USP32: variants seen among roughly 807,000 people sequenced by gnomAD.
The protein encoded by USP32 is ubiquitin carboxyl-terminal hydrolase 32.
A neutral mutation model predicts 204.8 loss-of-function variants in USP32; 59 were observed. That is an observed-to-expected ratio of 0.29 (90% CI 0.23 to 0.36). The LOEUF is 0.36. USP32 is among the 10% of genes least tolerant of loss of function. The pLI is 1.00. For synonymous variants in USP32, 517 were observed against 678.4 expected (o/e 0.76, Z 3.70); for missense variants, 1,160 against 1,946.4 (o/e 0.60, Z 7.60).
chr17:60,270,526 T>A lies in USP32; in HGVS notation c.703+824A>T, dbSNP rs1450181723. ...CAATTATATTTGGACTCCTTATTTTTAAAAAAGTAACAGCAGACTGGGCGC... is the reference window on the plus strand; with the variant it reads ...CAATTATATTTGGACTCCTTATTTTAAAAAAAGTAACAGCAGACTGGGCGC... On this transcript the variant is annotated intron_variant, in intron 6 of 33. Coordinates refer to ENST00000300896, the MANE Select transcript of USP32 (RefSeq NM_032582.4). Among the ~76,000 whole-genome samples the A allele has an allele frequency of 3.9e-5, 6 of 152,218 alleles. No individual in the cohort carries two copies. The East Asian group carries it at 1.2e-3, about 29-fold the overall frequency.
chr17:60,367,952 T>A (rs1199198390), intron 1 of USP32, among the ~76,000 whole-genome samples: 2 of 152,124 alleles, frequency 1.3e-5, no homozygotes, highest in Non-Finnish European at 2.9e-5. Flanking sequence ...TACACTGTAT[T>A]AGGAATTATA....
At chr17:60,399,857 T>C (rs541914721) in intron 1 of USP32, among the ~76,000 whole-genome samples, 5 of 152,288 alleles carry the variant, frequency 3.3e-5, no homozygotes, top group East Asian at 3.9e-4. Flanking sequence ...AGGAAGCAAG[T>C]GTGCCTGCAA....
intron 6 of USP32, among the ~76,000 whole-genome samples, chr17:60,270,628 A>G (rs951334486): frequency 3.9e-5 from 6 of 152,124 alleles, no homozygotes; most frequent in Non-Finnish European, 7.3e-5. Flanking sequence ...ATTCAAGACC[A>G]GCCTGACCAA....
chr17:60,208,157 C>A lies in USP32; in HGVS notation c.2827G>T (p.Asp943Tyr). ...PVRYGLRLNM[D>Y]EKYTGLKKQL... ...TTTTTTAAACCTGTGTACTTTTCATCCATATTCAGTCTTAGTCCATACCGT... is the reference window on the plus strand; with the variant it reads ...TTTTTTAAACCTGTGTACTTTTCATACATATTCAGTCTTAGTCCATACCGT... Residue 943 changes from aspartate to tyrosine, a missense_variant, in exon 24 of 34, where the codon GAT (aspartate) becomes TAT (tyrosine). Physicochemically the swap from Asp to Tyr is radical, Grantham distance 160. Around this residue, in one of 8 missense-constraint regions of USP32, gnomAD observed 132 missense variants for 432.8 expected, o/e 0.30. Transcript: ENST00000300896. The A allele has an allele frequency of 6.2e-7, 1 of 1,602,648 alleles. No individual in the cohort carries two copies. The highest frequency in any genetic ancestry group is 8.5e-7 in the Non-Finnish European group (1 of 1,173,124).
intron 11 of USP32, among the ~76,000 whole-genome samples, chr17:60,246,515 T>C (rs1165897590): frequency 1.3e-5 from 2 of 152,126 alleles, no homozygotes; most frequent in Non-Finnish European, 2.9e-5. Flanking sequence ...GGGGTGTAGA[T>C]AGCTCTTTGC....
intron 1 of USP32, among the ~76,000 whole-genome samples, chr17:60,419,821 AT>A (rs2090093525): frequency 8.0e-4 from 6 of 7,484 alleles, no homozygotes; most frequent in Non-Finnish European, 1.4e-3. Flanking sequence ...AAAAAAAATT[AT>A]TATTATTATT....
Position 60,202,400 on chromosome 17 carries a change from C to T in USP32, c.3249+3047G>A, listed in dbSNP as rs367997887. 2.6e-5 allele frequency among the ~76,000 whole-genome samples: 4 copies of T among 151,102 alleles called. No individual in the cohort carries two copies. The East Asian group carries it at 7.8e-4, about 29-fold the overall frequency. ...CTTCTTCAAGAGTATCTTGGTTATT[C>T]CTGGTGCTTTGTATTTCCACATATG... On this transcript the variant is annotated intron_variant, in intron 26 of 33. Transcript: ENST00000300896.
chr17:60,340,684 T>A (rs2088635907), intron 2 of USP32, among the ~76,000 whole-genome samples: 1 of 152,248 alleles, frequency 6.6e-6, no homozygotes, highest in South Asian at 2.1e-4. Context: ...AGGTTAATAT[T>A]GTTACATGTG....
chr17:60,395,110 A>G (rs757039527), upstream of USP32, among the ~76,000 whole-genome samples: 2 of 152,220 alleles, frequency 1.3e-5, no homozygotes, highest in Non-Finnish European at 2.9e-5. Flanking sequence ...TTTAAAAAGC[A>G]GTGTAATCTT....
intron 5 of USP32, among the ~76,000 whole-genome samples, chr17:60,273,871 A>T (rs1364629504): frequency 1.3e-5 from 2 of 150,406 alleles, no homozygotes; most frequent in East Asian, 3.9e-4. Flanking sequence ...GAGGCAGGAC[A>T]ATCGCTTGAA....
chr17:60,205,669 A>G lies in USP32; in HGVS notation c.3038-11T>C, dbSNP rs2084807525. On this transcript the variant is annotated splice_polypyrimidine_tract_variant and intron_variant, in intron 25 of 33. Coordinates refer to ENST00000300896, the MANE Select transcript of USP32 (RefSeq NM_032582.4). Reference sequence around the variant, plus strand: ...GCGAAGAGGAGAAATCTACAAATTCAAAGATAAGTACAGTATCATAAGCTT... The same window carrying G: ...GCGAAGAGGAGAAATCTACAAATTCGAAGATAAGTACAGTATCATAAGCTT... 6.2e-7 allele frequency: 1 copy of G among 1,613,864 alleles called. No individual in the cohort carries two copies. The highest frequency in any genetic ancestry group is 2.2e-5 in the East Asian group (1 of 44,878).
At chr17:60,419,707 T>C (rs1598327534) in intron 1 of USP32, among the ~76,000 whole-genome samples, 2 of 144,712 alleles carry the variant, frequency 1.4e-5, no homozygotes, top group Non-Finnish European at 3.0e-5. Flanking sequence ...CATTCCAGCC[T>C]GGGTGACACA....
At chr17:60,326,254 C>T (rs912258730) in intron 2 of USP32, among the ~76,000 whole-genome samples, 1 of 151,892 alleles carries the variant, frequency 6.6e-6, no homozygotes, top group African/African-American at 2.4e-5. Flanking sequence ...TTTCATCACA[C>T]CCTCTGCCCT....
Position 60,325,475 on chromosome 17 carries a change from A to C in USP32, c.186+20006T>G, listed in dbSNP as rs1421083696. On this transcript the variant is annotated intron_variant, in intron 2 of 33. Coordinates refer to ENST00000300896, the MANE Select transcript of USP32 (RefSeq NM_032582.4). ...CTATATCATAGTACACTATGTTGCA[A>C]GGAATATTTACATAGTCATAATATT... Among the ~76,000 whole-genome samples, 2 of 152,192 alleles carry C rather than the reference A, an allele frequency of 1.3e-5. 1 individual carries two copies. Among genetic ancestry groups the C allele is most frequent in the East Asian group, 3.8e-4 (2 of 5,200 alleles).
At chr17:60,233,183 A>G (rs1316867940) in intron 12 of USP32, among the ~76,000 whole-genome samples, 2 of 152,192 alleles carry the variant, frequency 1.3e-5, no homozygotes. Context: ...CTGTTTTAAA[A>G]TACTTAACAA....
chr17:60,357,370 T>C (rs1013869208), intron 1 of USP32, among the ~76,000 whole-genome samples: 22 of 151,950 alleles, frequency 1.4e-4, no homozygotes, highest in African/African-American at 5.1e-4. Flanking sequence ...GGAGGACTGC[T>C]TGAGCCCAGG....
Position 60,223,548 on chromosome 17 carries a change from A to C in USP32, c.1471T>G (p.Phe491Val), listed in dbSNP as rs142732123. 1 of 1,611,524 alleles carries C rather than the reference A, an allele frequency of 6.2e-7. No homozygotes were observed. The highest frequency in any genetic ancestry group is 1.3e-5 in the African/African-American group (1 of 74,818). ...TCAGAAGTGTTATGTTGTCGAGCAA[A>C]GCAAACATCTGCCCCTGGTGTGGCA... is the stretch of plus-strand genomic sequence containing the variant. ...YSATPGADVCFARQHNTSDNN... is the reference protein window; with the variant it reads ...YSATPGADVCVARQHNTSDNN... Residue 491 changes from phenylalanine to valine, a missense_variant, in exon 14 of 34, where the codon TTT becomes GTT. Physicochemically the swap from Phe to Val is conservative, Grantham distance 50. Transcript: ENST00000300896.
At chr17:60,239,521 C>A (rs1053839078) in intron 11 of USP32, among the ~76,000 whole-genome samples, 1 of 152,022 alleles carries the variant, frequency 6.6e-6, no homozygotes, top group African/African-American at 2.4e-5. Flanking sequence ...TTTCTTTCTG[C>A]TCCTCAGTCA....
chr17:60,348,723 G>A lies in USP32; in HGVS notation c.59-3115C>T, dbSNP rs191881966. Among the ~76,000 whole-genome samples the A allele has an allele frequency of 7.5e-3, 1,135 of 151,934 alleles. 6 individuals are homozygous for A. Among genetic ancestry groups the A allele is most frequent in the Non-Finnish European group, 0.013 (899 of 67,950 alleles). On this transcript the variant is annotated intron_variant, in intron 1 of 33. Coordinates refer to ENST00000300896, the MANE Select transcript of USP32 (RefSeq NM_032582.4). ...GTCAAGGCTGCAGTGGGCCATGATC[G>A]TGCCACTGCACTCTAGCCTGGGTGA...
Sources: gnomAD v4.1 joint callset for allele counts (sites outside exome capture counted in the v4.1 genomes callset) on GRCh38, gnomAD v4.1.1 for gene constraint, gnomAD v4.1.1 regional missense constraint, MANE v1.5 for transcripts, NCBI Gene and HGNC (gene_info 2026-07-23, HGNC 2026-07-21) for gene names.